The following KCNMB3 variants were observed in gnomAD, a reference collection of about 807,000 sequenced individuals.
KCNMB3 encodes calcium-activated potassium channel subunit beta-3.
Under a neutral mutation model 11.9 loss-of-function variants are expected in KCNMB3, and 18 were observed. That is an observed-to-expected ratio of 1.51 (90% CI 1.04 to 2.23). KCNMB3 has a LOEUF of 2.23. Ranked by LOEUF, KCNMB3 falls within the 30% of genes most tolerant of loss-of-function variation. The probability of loss-of-function intolerance (pLI) is 0.00; values close to 1 mark genes in which losing one functional copy is unlikely to be tolerated. For synonymous variants in KCNMB3, 78 were observed against 119.2 expected (o/e 0.65, Z 2.25); for missense variants, 247 against 329.4 (o/e 0.75, Z 1.94).
At chr3:179,248,006 C>G (rs908255016) in intron 1 of KCNMB3, among the ~76,000 whole-genome samples, 2 of 152,140 alleles carry the variant, frequency 1.3e-5, no homozygotes, top group Non-Finnish European at 2.9e-5. Context: ...TTCCTTTTAC[C>G]CTGAACTGAC....
At chr3:179,261,794 A>G (rs1236615144) in intron 1 of KCNMB3, among the ~76,000 whole-genome samples, 2 of 152,110 alleles carry the variant, frequency 1.3e-5, no homozygotes, top group East Asian at 3.8e-4. Flanking sequence ...TTCAACTTAC[A>G]GTATTTTCCA....
chr3:179,257,264 C>T (rs1463625636), intron 1 of KCNMB3, among the ~76,000 whole-genome samples: 1 of 152,174 alleles, frequency 6.6e-6, no homozygotes, highest in Non-Finnish European at 1.5e-5. Flanking sequence ...TTTTTTACAA[C>T]TATAAAATGT....
chr3:179,246,084 A>C (rs1259001240), intron 1 of KCNMB3, among the ~76,000 whole-genome samples: 42 of 152,320 alleles, frequency 2.8e-4, no homozygotes, highest in Non-Finnish European at 1.5e-5. Context: ...CTTAAACATA[A>C]TAAGTTAGAT....
intron 1 of KCNMB3, among the ~76,000 whole-genome samples, chr3:179,247,686 C>G (rs1233789092): frequency 6.6e-6 from 1 of 152,144 alleles, no homozygotes; most frequent in African/African-American, 2.4e-5. Flanking sequence ...TGATCAGGAG[C>G]AGCACAGCTT....
chr3:179,260,377 C>T, intron 1 of KCNMB3: 1 of 1,614,010 alleles, frequency 6.2e-7, no homozygotes, highest in South Asian at 1.1e-5. Context: ...AGGAATGGGG[C>T]AGTGTCTTCA....
At chr3:179,258,223 T>G (rs1459459104) in intron 1 of KCNMB3, among the ~76,000 whole-genome samples, 1 of 152,232 alleles carries the variant, frequency 6.6e-6, no homozygotes, top group Non-Finnish European at 1.5e-5. Context: ...GCTCAAATAC[T>G]GCAGTAGGAA....
chr3:179,249,079 CT>C lies in KCNMB3; in HGVS notation c.248+1663del, dbSNP rs1214668817. 5.8e-5 allele frequency among the ~76,000 whole-genome samples: 8 copies of C among 138,050 alleles called. No homozygotes were observed. In the East Asian group the frequency reaches 1.6e-3, roughly 27 times the overall value. 90.6% of individuals were successfully genotyped at this position (138,050 alleles called of 152,430 possible). A position where few individuals can be genotyped will look rare whatever the true frequency, so the allele number is the denominator to read the frequency against. On this transcript the variant is annotated intron_variant, in intron 1 of 2. Transcript: ENST00000392685. Reference sequence around the variant, plus strand: ...CCAGGCTGGAGTGCAATGGCGCAATCTCGGCTCACTGCAAGCTCCACCTCCT... The same window carrying C: ...CCAGGCTGGAGTGCAATGGCGCAATCCGGCTCACTGCAAGCTCCACCTCCT...
chr3:179,262,527 G>GGAACAAAT (rs1560162085), intron 1 of KCNMB3, among the ~76,000 whole-genome samples: 2 of 152,214 alleles, frequency 1.3e-5, no homozygotes, highest in African/African-American at 4.8e-5. Context: ...AAAGAGCAAA[G>GGAACAAAT]GAACAAATCC....
At chr3:179,241,808 G>GA, downstream of KCNMB3, 1 of 154,200 alleles carries the variant, frequency 6.5e-6, no homozygotes, top group Middle Eastern at 5.2e-4. Context: ...AATAATTGCG[G>GA]TTTTTCGCCA....
downstream of KCNMB3, chr3:179,242,059 A>G (rs1267732045): frequency 6.5e-6 from 1 of 153,720 alleles, no homozygotes; most frequent in Non-Finnish European, 1.5e-5. Flanking sequence ...AACTTAGTGA[A>G]TTTTCTAGGC....
rs754676518 is a variant in KCNMB3, at chr3:179,244,505, A to G, written c.437T>C (p.Ile146Thr). The G allele has an allele frequency of 2.2e-5, 35 of 1,613,962 alleles. No individual in the cohort carries two copies. The highest frequency in any genetic ancestry group is 2.9e-5 in the Non-Finnish European group (34 of 1,179,908). ...LLHYNEEAVQ[I>T]NPKCFYTPKC... ...TAAACTTTACAATACCTTGGGATTT[A>G]TCTGGACAGCCTCTTCATTATAATG... The change falls in exon 2 of 3, where the codon ATA (isoleucine) becomes ACA (threonine). Residue 146 changes from isoleucine (I) to threonine (T), a missense_variant. By Grantham distance (89) the Ile-to-Thr change is moderately conservative (BLOSUM62 -1). Transcript: ENST00000392685.
intron 1 of KCNMB3, among the ~76,000 whole-genome samples, chr3:179,244,902 C>A (rs1387065019): frequency 2.0e-5 from 3 of 152,098 alleles, no homozygotes; most frequent in Non-Finnish European, 4.4e-5. Context: ...CCACAAAGTG[C>A]CAAGTTCCAC....
chr3:179,252,129 C>T (rs1205236973), upstream of KCNMB3, among the ~76,000 whole-genome samples: 2 of 152,120 alleles, frequency 1.3e-5, no homozygotes, highest in African/African-American at 4.8e-5. Context: ...CCAAGATGCA[C>T]GTCCCTGCAG....
chr3:179,249,949 T>C (rs1396342553), intron 1 of KCNMB3, among the ~76,000 whole-genome samples: 1 of 152,144 alleles, frequency 6.6e-6, no homozygotes. Context: ...ACCCAGGTGA[T>C]GGGTTGATCT....
chr3:179,251,755 C>T (rs1244426045), upstream of KCNMB3: 8 of 608,882 alleles, frequency 1.3e-5, no homozygotes, highest in Non-Finnish European at 1.2e-5. Flanking sequence ...TGAGACGGAA[C>T]CTCGCACTGT....
At position 179,251,008 on chromosome 3, in the gene KCNMB3, T is replaced by A. The variant is rs747911793; in HGVS notation, c.-18A>T. The stretch of plus-strand genomic sequence containing the variant: ...GGGAACATTTCCAATCCATGGGGAC[T>A]GGAGGGATAATCTCATTTGCTGCCT... On this transcript the variant is annotated 5_prime_UTR_variant, in exon 1 of 3. Coordinates refer to ENST00000392685, the MANE Select transcript of KCNMB3 (RefSeq NM_171830.2). The A allele has an allele frequency of 6.2e-7, 1 of 1,614,206 alleles. No homozygotes were observed. Among genetic ancestry groups the A allele is most frequent in the Non-Finnish European group, 8.5e-7 (1 of 1,180,042 alleles).
chr3:179,265,879 T>C (rs531637467), intron 1 of KCNMB3, among the ~76,000 whole-genome samples: 13 of 152,358 alleles, frequency 8.5e-5, no homozygotes, highest in African/African-American at 3.1e-4. Context: ...TGCAGGTCAC[T>C]AGAGGCTTTC....
At chr3:179,251,289 T>C, upstream of KCNMB3, 2 of 1,447,812 alleles carry the variant, frequency 1.4e-6, no homozygotes, top group South Asian at 3.0e-5. Flanking sequence ...TCCTGAAAAT[T>C]TGTTTACATT....
At chr3:179,253,532 G>A (rs1370129142), upstream of KCNMB3, among the ~76,000 whole-genome samples, 1 of 152,218 alleles carries the variant, frequency 6.6e-6, no homozygotes, top group Non-Finnish European at 1.5e-5. Context: ...TTGGCCAGGT[G>A]CAGTGGCTCA....
Sources: gnomAD v4.1 joint callset for allele counts (sites outside exome capture counted in the v4.1 genomes callset) on GRCh38, gnomAD v4.1.1 for gene constraint, MANE v1.5 for transcripts, NCBI Gene and HGNC (gene_info 2026-07-23, HGNC 2026-07-21) for gene names.